WNT3A: variants seen among roughly 807,000 people sequenced by gnomAD.
The protein encoded by WNT3A is Wnt family member 3A.
Under a neutral mutation model 37.0 loss-of-function variants are expected in WNT3A, and 17 were observed. The observed-to-expected ratio is 0.46, with a 90% confidence interval of 0.31 to 0.69. The LOEUF (loss-of-function observed/expected upper bound fraction) is 0.69. Among genes scored for constraint, WNT3A ranks in the 30% least tolerant of loss-of-function variants. WNT3A has a pLI of 0.05. For synonymous variants in WNT3A, 187 were observed against 211.0 expected (o/e 0.89, Z 0.99); for missense variants, 411 against 510.2 (o/e 0.81, Z 1.87).
At chr1:228,041,196 A>G (rs1306836547) in intron 2 of WNT3A, among the ~76,000 whole-genome samples, 1 of 152,082 alleles carries the variant, frequency 6.6e-6, no homozygotes. Flanking sequence ...AGATCCCTCT[A>G]GTCCAAAAGT....
intron 2 of WNT3A, among the ~76,000 whole-genome samples, chr1:228,045,738 G>C (rs2031388875): frequency 6.6e-6 from 1 of 152,172 alleles, no homozygotes; most frequent in Non-Finnish European, 1.5e-5. Context: ...TGGCTGCCTA[G>C]CTGCTCCCTG....
chr1:228,022,790 C>T lies in WNT3A; in HGVS notation c.195C>T (p.Ser65=), dbSNP rs374327556. The part of the protein sequence containing the change: ...FCRNYVEIMP[S]VAEGIKIGIQ... ...GGAACTACGTGGAGATCATGCCCAGCGTGGCCGAGGGCATCAAGATTGGCA... is the reference window on the plus strand; with the variant it reads ...GGAACTACGTGGAGATCATGCCCAGTGTGGCCGAGGGCATCAAGATTGGCA... The change falls in exon 2 of 4, where the codon AGC becomes AGT. Residue 65 remains serine, a synonymous_variant. Transcript: ENST00000284523. The T allele has an allele frequency of 2.5e-6, 4 of 1,614,068 alleles. No individual in the cohort carries two copies. Among genetic ancestry groups the T allele is most frequent in the South Asian group, 1.1e-5 (1 of 91,092 alleles).
intron 3 of WNT3A, among the ~76,000 whole-genome samples, chr1:228,053,288 G>GA (rs968010904): frequency 4.0e-5 from 6 of 151,708 alleles, no homozygotes; most frequent in Admixed American, 1.3e-4. Context: ...TAGCAACATG[G>GA]AAAAAAAATA....
At chr1:228,046,520 A>G (rs1336827651) in intron 2 of WNT3A, among the ~76,000 whole-genome samples, 1 of 145,200 alleles carries the variant, frequency 6.9e-6, no homozygotes, top group Non-Finnish European at 1.5e-5. Flanking sequence ...GTATTCATGT[A>G]TGTGTATGTG....
chr1:228,053,439 A>G (rs2031600742), intron 3 of WNT3A, among the ~76,000 whole-genome samples: 1 of 152,246 alleles, frequency 6.6e-6, no homozygotes, highest in Non-Finnish European at 1.5e-5. Flanking sequence ...AACAGTCCAA[A>G]AAAGCACTCA....
At chr1:228,032,482 TG>T (rs1343391152) in intron 2 of WNT3A, among the ~76,000 whole-genome samples, 1 of 152,252 alleles carries the variant, frequency 6.6e-6, no homozygotes, top group East Asian at 1.9e-4. Flanking sequence ...AGTCCTGCTC[TG>T]GAGTCCCCAA....
At chr1:228,053,197 C>A (rs1354574887) in intron 3 of WNT3A, among the ~76,000 whole-genome samples, 1 of 152,160 alleles carries the variant, frequency 6.6e-6, no homozygotes, top group African/African-American at 2.4e-5. Context: ...TTCCCAGCCT[C>A]CCAAACCATG....
intron 2 of WNT3A, among the ~76,000 whole-genome samples, chr1:228,033,535 T>G (rs761786787): frequency 6.6e-6 from 1 of 152,260 alleles, no homozygotes; most frequent in Non-Finnish European, 1.5e-5. Flanking sequence ...ATGTCTGTCT[T>G]TATGCCAGTG....
At position 228,059,789 on chromosome 1, in the gene WNT3A, T is replaced by A. The variant is rs1370997110; in HGVS notation, c.*324T>A. On this transcript the variant is annotated 3_prime_UTR_variant, in exon 4 of 4. Transcript: ENST00000284523. ...GCTACAGATTGGGCGGGGCTTCTCT[T>A]GGGTGGGACAGGGCTTCTCCTGCGG... The A allele has an allele frequency of 9.2e-7, 1 of 1,086,168 alleles. No homozygotes were observed. Among genetic ancestry groups the A allele is most frequent in the East Asian group, 6.6e-5 (1 of 15,148 alleles). 67.3% of individuals were successfully genotyped at this position (1,086,168 alleles called of 1,614,324 possible). A position where few individuals can be genotyped will look rare whatever the true frequency, so the allele number is the denominator to read the frequency against.
intron 2 of WNT3A, among the ~76,000 whole-genome samples, chr1:228,025,715 T>C (rs1558287300): frequency 6.6e-6 from 1 of 152,214 alleles, no homozygotes; most frequent in African/African-American, 2.4e-5. Context: ...CCATGGTTAA[T>C]GTATTCCTAA....
chr1:228,059,679 T>C lies in WNT3A; in HGVS notation c.*214T>C. On this transcript the variant is annotated 3_prime_UTR_variant, in exon 4 of 4. Transcript: ENST00000284523. ...GTCTCCTCTCTGGTGGCTGGGCTGCTCCTGAATGAGGCGGAGCTCCAGGAT... is the reference window on the plus strand; with the variant it reads ...GTCTCCTCTCTGGTGGCTGGGCTGCCCCTGAATGAGGCGGAGCTCCAGGAT... 1 of 1,349,630 alleles carries C rather than the reference T, an allele frequency of 7.4e-7. No homozygotes were observed. The highest frequency in any genetic ancestry group is 2.0e-5 in the South Asian group (1 of 50,332). 83.6% of individuals were successfully genotyped at this position (1,349,630 alleles called of 1,614,324 possible).
intron 2 of WNT3A, among the ~76,000 whole-genome samples, chr1:228,043,512 G>A (rs1379335650): frequency 5.3e-5 from 8 of 152,148 alleles, no homozygotes; most frequent in Non-Finnish European, 1.0e-4. Flanking sequence ...CACTTCCCAC[G>A]GGCAAGATGC....
chr1:228,046,603 A>G (rs2031413523), intron 2 of WNT3A, among the ~76,000 whole-genome samples: 1 of 147,890 alleles, frequency 6.8e-6, no homozygotes. Flanking sequence ...GGGTATGTGC[A>G]TGCATGTGTG....
intron 2 of WNT3A, 120 bp downstream of exon 2, chr1:228,023,028 G>A: frequency 6.9e-7 from 1 of 1,449,492 alleles, no homozygotes; most frequent in South Asian, 1.4e-5. Context: ...GCGGACGCTG[G>A]GGTCCTTCCC....
chr1:228,044,101 C>T (rs958750489), intron 2 of WNT3A, among the ~76,000 whole-genome samples: 2 of 152,172 alleles, frequency 1.3e-5, no homozygotes, highest in South Asian at 2.1e-4. Context: ...CCTGCCTCAG[C>T]GTCCCAAGTA....
chr1:228,007,177 C>A lies in WNT3A; in HGVS notation c.49C>A (p.Leu17Met). ...ACTCCTCTGCAGCCTGAAGCAGGCT[C>A]TGGGCAGCTACCCGATCTGGTGGTG... ...FLLLCSLKQA[L>M]GSYPIWWSLA... The change falls in exon 1 of 4, where the codon CTG becomes ATG. Residue 17 changes from leucine (L) to methionine (M), a missense_variant. Physicochemically the swap from Leu to Met is conservative, Grantham distance 15. Coordinates refer to ENST00000284523, the MANE Select transcript of WNT3A (RefSeq NM_033131.4). The surrounding 1 kb of genome is among the most constrained non-coding windows in gnomAD (Gnocchi z 6.0). 1 of 1,605,042 alleles carries A rather than the reference C, an allele frequency of 6.2e-7. No individual in the cohort carries two copies. The highest frequency in any genetic ancestry group is 1.3e-5 in the African/African-American group (1 of 74,206).
chr1:228,007,139 T>C lies in WNT3A; in HGVS notation c.11T>C (p.Leu4Pro), dbSNP rs1369668727. 9 of 1,581,072 alleles carry C rather than the reference T, an allele frequency of 5.7e-6. No individual in the cohort carries two copies. Among genetic ancestry groups the C allele is most frequent in the Non-Finnish European group, 7.7e-6 (9 of 1,163,776 alleles). ...CCCTCTCGCGCGGCGATGGCCCCAC[T>C]CGGATACTTCTTACTCCTCTGCAGC... MAP[L>P]GYFLLLCSLK... Residue 4 changes from leucine (L) to proline (P), a missense_variant, in exon 1 of 4, where the codon CTC becomes CCC. By Grantham distance (98) the Leu-to-Pro change is moderately conservative (BLOSUM62 -3). Coordinates refer to ENST00000284523, the MANE Select transcript of WNT3A (RefSeq NM_033131.4). This position sits in a 1 kb window ranked among gnomAD's most constrained non-coding sequence, Gnocchi z 6.0.
intron 2 of WNT3A, among the ~76,000 whole-genome samples, chr1:228,044,026 G>C (rs2031346396): frequency 6.6e-6 from 1 of 151,932 alleles, no homozygotes; most frequent in African/African-American, 2.4e-5. Flanking sequence ...CTGCCTCCCA[G>C]GCTGGAGTAC....
rs1321324952 is a variant in WNT3A at position 228,042,783 on chromosome 1, G to A, written c.314-7873G>A. On this transcript the variant is annotated intron_variant, in intron 2 of 3. Transcript: ENST00000284523. The surrounding 1 kb of genome is among the most constrained non-coding windows in gnomAD (Gnocchi z 5.2). Reference sequence around the variant, plus strand: ...AATGGTGGATGATGGATGATAGATGGATGATGGATAGATGTGGATGATGGA... The same window carrying A: ...AATGGTGGATGATGGATGATAGATGAATGATGGATAGATGTGGATGATGGA... Among the ~76,000 whole-genome samples, 1 of 151,878 alleles carries A rather than the reference G, an allele frequency of 6.6e-6. No homozygotes were observed. The highest frequency in any genetic ancestry group is 2.4e-5 in the African/African-American group (1 of 41,320).
Sources: gnomAD v4.1 joint callset for allele counts (sites outside exome capture counted in the v4.1 genomes callset) on GRCh38, gnomAD v4.1.1 for gene constraint, Gnocchi (gnomAD v3.1) non-coding constraint, MANE v1.5 for transcripts, NCBI Gene and HGNC (gene_info 2026-07-23, HGNC 2026-07-21) for gene names.